SLC24A3: variants seen among roughly 807,000 people sequenced by gnomAD.
The protein encoded by SLC24A3 is sodium/potassium/calcium exchanger 3.
A neutral mutation model predicts 75.8 loss-of-function variants in SLC24A3; 28 were observed. The observed-to-expected ratio is 0.37, with a 90% CI of 0.27 to 0.51. The LOEUF is 0.51. Among genes scored for constraint, SLC24A3 ranks in the 20% least tolerant of loss-of-function variants. SLC24A3 has a pLI of 0.94. For synonymous variants in SLC24A3, 372 were observed against 334.1 expected (o/e 1.11, Z -1.24); for missense variants, 663 against 847.8 (o/e 0.78, Z 2.71).
intron 2 of SLC24A3, chr20:19,284,184 C>G (rs925022996): frequency 6.5e-6 from 1 of 152,952 alleles, no homozygotes; most frequent in African/African-American, 2.4e-5. Context: ...CTGGACTGGA[C>G]AGATATTTTA....
intron 1 of SLC24A3, among the ~76,000 whole-genome samples, chr20:19,242,969 TTTCTC>T (rs1316053273): frequency 4.6e-5 from 7 of 152,246 alleles, no homozygotes; most frequent in South Asian, 2.1e-4. Flanking sequence ...TTTTTTTCCT[TTTCTC>T]TTCTTAGTAA....
intron 2 of SLC24A3, among the ~76,000 whole-genome samples, chr20:19,421,743 C>T (rs1352191046): frequency 6.6e-6 from 1 of 152,190 alleles, no homozygotes; most frequent in Non-Finnish European, 1.5e-5. Flanking sequence ...CTTAGCAAAG[C>T]AAGAGAGTGT....
chr20:19,711,161 A>G (rs2032984622), intron 15 of SLC24A3, among the ~76,000 whole-genome samples: 1 of 152,070 alleles, frequency 6.6e-6, no homozygotes, highest in Admixed American at 6.5e-5. Context: ...ACACATGCAA[A>G]CATGCAGGCA....
At chr20:19,572,324 C>A (rs1268999528) in intron 3 of SLC24A3, among the ~76,000 whole-genome samples, 1 of 151,978 alleles carries the variant, frequency 6.6e-6, no homozygotes, top group East Asian at 1.9e-4. Context: ...CCAGTCTGGG[C>A]AACAGAGCAT....
At chr20:19,624,810 T>A (rs1225547522) in intron 6 of SLC24A3, among the ~76,000 whole-genome samples, 1 of 152,204 alleles carries the variant, frequency 6.6e-6, no homozygotes, top group Non-Finnish European at 1.5e-5. Context: ...CTCCCACTCA[T>A]TGAGTTCTGA....
At chr20:19,645,039 C>T (rs573225567) in intron 6 of SLC24A3, among the ~76,000 whole-genome samples, 36 of 152,152 alleles carry the variant, frequency 2.4e-4, no homozygotes, top group Non-Finnish European at 4.7e-4. Context: ...TTACAGTCAC[C>T]GCAGTTATCT....
At chr20:19,448,248 C>A (rs569119832) in intron 2 of SLC24A3, among the ~76,000 whole-genome samples, 1 of 152,346 alleles carries the variant, frequency 6.6e-6, no homozygotes, top group Non-Finnish European at 1.5e-5. Flanking sequence ...ATTATTTTCG[C>A]ATTACTAAGA....
rs1987696283 is a variant in SLC24A3, at chr20:19,462,499, G to C, written c.272-52989G>C. On this transcript the variant is annotated intron_variant, in intron 2 of 16. Coordinates refer to ENST00000328041, the MANE Select transcript of SLC24A3 (RefSeq NM_020689.4). ...CACACACTTGAGAACCACTGCCCTG[G>C]ACACAACCCAAACTTGGGAGAAAGC... Among the ~76,000 whole-genome samples, 5 of 152,160 alleles carry C rather than the reference G, an allele frequency of 3.3e-5. No individual in the cohort carries two copies. The South Asian group carries it at 6.2e-4, about 19-fold the overall frequency.
chr20:19,237,497 G>A (rs1328420499), intron 1 of SLC24A3, among the ~76,000 whole-genome samples: 1 of 152,170 alleles, frequency 6.6e-6, no homozygotes, highest in Non-Finnish European at 1.5e-5. Context: ...TTCCCGTCAT[G>A]TGCTAGCTCA....
chr20:19,280,578 G>T (rs891486168), intron 1 of SLC24A3, among the ~76,000 whole-genome samples: 1 of 152,212 alleles, frequency 6.6e-6, no homozygotes, highest in South Asian at 2.1e-4. Context: ...CACCACAGAA[G>T]TTGGCCAGTG....
intron 6 of SLC24A3, among the ~76,000 whole-genome samples, chr20:19,642,624 G>A (rs2032089493): frequency 6.6e-6 from 1 of 152,190 alleles, no homozygotes; most frequent in Non-Finnish European, 1.5e-5. Flanking sequence ...TTCCTAGGCT[G>A]CAAATTGATT....
intron 1 of SLC24A3, among the ~76,000 whole-genome samples, chr20:19,253,745 A>C (rs988552678): frequency 1.3e-5 from 2 of 152,234 alleles, no homozygotes; most frequent in African/African-American, 4.8e-5. Context: ...AGGAAAGTGC[A>C]TGGAATGGTC....
chr20:19,413,523 C>T (rs1828418566), intron 2 of SLC24A3, among the ~76,000 whole-genome samples: 1 of 152,170 alleles, frequency 6.6e-6, no homozygotes, highest in South Asian at 2.1e-4. Flanking sequence ...TGGGAAGATG[C>T]TCCACGCTGA....
chr20:19,215,712 AT>A (rs993650899), intron 1 of SLC24A3, among the ~76,000 whole-genome samples: 1 of 152,128 alleles, frequency 6.6e-6, no homozygotes, highest in African/African-American at 2.4e-5. Context: ...TGATAATTAT[AT>A]TATATGATGT....
intron 6 of SLC24A3, among the ~76,000 whole-genome samples, chr20:19,621,679 G>C (rs2031806330): frequency 6.6e-6 from 1 of 152,154 alleles, no homozygotes; most frequent in Non-Finnish European, 1.5e-5. Flanking sequence ...GACTGGGATG[G>C]GGCCTGAGAT....
intron 2 of SLC24A3, among the ~76,000 whole-genome samples, chr20:19,363,093 G>T (rs1403491725): frequency 6.6e-6 from 1 of 152,184 alleles, no homozygotes; most frequent in Non-Finnish European, 1.5e-5. Flanking sequence ...CCCAGGTGGA[G>T]ATGCTCCATG....
At chr20:19,225,975 T>C (rs900314942) in intron 1 of SLC24A3, among the ~76,000 whole-genome samples, 2 of 152,212 alleles carry the variant, frequency 1.3e-5, no homozygotes, top group Admixed American at 6.5e-5. Flanking sequence ...TGAGTTTGAA[T>C]GGACATCCTT....
intron 3 of SLC24A3, among the ~76,000 whole-genome samples, chr20:19,544,277 A>G (rs2030550892): frequency 6.6e-6 from 1 of 152,212 alleles, no homozygotes; most frequent in African/African-American, 2.4e-5. Context: ...TCCTTCCTCA[A>G]GGACCCCTGA....
At chr20:19,692,765 G>A (rs1472597361) in intron 12 of SLC24A3, among the ~76,000 whole-genome samples, 1 of 152,106 alleles carries the variant, frequency 6.6e-6, no homozygotes, top group African/African-American at 2.4e-5. Context: ...TGAAGATTCC[G>A]GCGCGCTGAC....
Sources: allele counts gnomAD v4.1 joint callset (sites outside exome capture counted in the v4.1 genomes callset), GRCh38; gene constraint gnomAD v4.1.1; transcripts MANE v1.5; gene names NCBI Gene and HGNC (gene_info 2026-07-23, HGNC 2026-07-21).